Variants in ATP2C1 observed in about 807,000 individuals in gnomAD.
ATP2C1 encodes ATPase secretory pathway Ca2+ transporting 1.
A neutral mutation model predicts 120.5 loss-of-function variants in ATP2C1; 31 were observed. The observed-to-expected ratio is 0.26, with a 90% CI of 0.19 to 0.35. The LOEUF (loss-of-function observed/expected upper bound fraction) is 0.35. Ranked by LOEUF, ATP2C1 falls within the 10% of genes least tolerant of loss-of-function variation. The pLI is 1.00. For missense variants in ATP2C1, 731 were observed against 1,107.5 expected (o/e 0.66, Z 4.83); for synonymous variants, 351 against 358.7 (o/e 0.98, Z 0.24).
chr3:130,988,974 C>T (rs994402330), intron 20 of ATP2C1, among the ~76,000 whole-genome samples: 12 of 152,068 alleles, frequency 7.9e-5, no homozygotes, highest in Non-Finnish European at 1.6e-4. Flanking sequence ...AACCCTAGGC[C>T]GGGCACGGTG....
chr3:130,986,375 G>A (rs771046086), intron 20 of ATP2C1, among the ~76,000 whole-genome samples: 6 of 152,112 alleles, frequency 3.9e-5, no homozygotes, highest in Non-Finnish European at 7.4e-5. Flanking sequence ...TAAAGGTGGT[G>A]AAACTTTCAT....
At chr3:130,993,264 G>A (rs549459370) in intron 21 of ATP2C1, among the ~76,000 whole-genome samples, 1 of 152,264 alleles carries the variant, frequency 6.6e-6, no homozygotes, top group South Asian at 2.1e-4. Flanking sequence ...TGTTCTAACT[G>A]GGGTCCATAG....
rs1408282713 is a variant in ATP2C1, at chr3:130,918,235, A to G, written c.7-12181A>G. 12 of 1,482,716 alleles carry G rather than the reference A, an allele frequency of 8.1e-6. No homozygotes were observed. The East Asian group carries it at 2.7e-4, about 34-fold the overall frequency. The allele number at this position is 1,482,716 out of a possible 1,614,324, so 91.8% of individuals were successfully genotyped here. A position where few individuals can be genotyped will look rare whatever the true frequency, so the allele number is the denominator to read the frequency against. ...GTTTACACCTTACTGGGCATGAACA[A>G]GAGCCCTCTCCTTGGCCATAGCCAA... On this transcript the variant is annotated intron_variant, in intron 2 of 27. Coordinates refer to ENST00000510168, the MANE Select transcript of ATP2C1 (RefSeq NM_001378687.1).
chr3:130,934,923 T>C (rs2059601913), intron 5 of ATP2C1, among the ~76,000 whole-genome samples: 2 of 152,156 alleles, frequency 1.3e-5, no homozygotes, highest in South Asian at 4.1e-4. Flanking sequence ...AGCCCCGAAC[T>C]CCTGGGCTCA....
Position 130,902,284 on chromosome 3 carries a change from G to GTTTTTTT in ATP2C1, c.6+7515_6+7521dup, listed in dbSNP as rs1157956407. Among the ~76,000 whole-genome samples the GTTTTTTT allele has an allele frequency of 2.7e-4, 18 of 65,506 alleles. 4 individuals carry two copies. The highest frequency in any genetic ancestry group is 8.5e-4 in the African/African-American group (15 of 17,734). 43.0% of individuals were successfully genotyped at this position (65,506 alleles called of 152,430 possible). A position where few individuals can be genotyped will look rare whatever the true frequency, so the allele number is the denominator to read the frequency against. ...TTAACTGCTAATTTCAAGGCTTCAC[G>GTTTTTTT]TTTTTTTTTTTTGTTTTTTTTTTTT... is the stretch of plus-strand genomic sequence containing the variant. On this transcript the variant is annotated intron_variant, in intron 2 of 27. Coordinates refer to ENST00000510168, the MANE Select transcript of ATP2C1 (RefSeq NM_001378687.1).
intron 14 of ATP2C1, among the ~76,000 whole-genome samples, chr3:130,966,816 T>G (rs534933664): frequency 6.6e-6 from 1 of 152,334 alleles, no homozygotes; most frequent in African/African-American, 2.4e-5. Flanking sequence ...TTGAGTTCTT[T>G]GCAAACTGTA....
At chr3:131,016,590 A>G in exon 27 of ATP2C1, 1 of 507,394 alleles carries the variant, frequency 2.0e-6, no homozygotes, top group Admixed American at 3.3e-5. Flanking sequence ...GATCTTTTCC[A>G]CTGGTCTACT....
At position 131,016,102 on chromosome 3, in the gene ATP2C1, T is replaced by C. The variant is rs1294915592; in HGVS notation, c.2630-50T>C. On this transcript the variant is annotated intron_variant, in intron 26 of 26. Coordinates refer to the ATP2C1 transcript ENST00000328560. ...ATAAGTGAAAATACTGTATTTACTT[T>C]TGTGTGCTTCCATCTGAACTAAAGT... 7 of 1,605,388 alleles carry C rather than the reference T, an allele frequency of 4.4e-6. 1 individual carries two copies. The highest frequency in any genetic ancestry group is 3.3e-5 in the South Asian group (3 of 90,624).
chr3:130,943,837 A>G (rs1427692136), intron 8 of ATP2C1, among the ~76,000 whole-genome samples: 2 of 152,228 alleles, frequency 1.3e-5, no homozygotes, highest in Admixed American at 6.5e-5. Flanking sequence ...ATCTAAATTT[A>G]AATGTACTGA....
At chr3:130,883,527 C>T (rs2068855320) in intron 1 of ATP2C1, among the ~76,000 whole-genome samples, 1 of 151,640 alleles carries the variant, frequency 6.6e-6, no homozygotes, top group Non-Finnish European at 1.5e-5. Flanking sequence ...GCCTAGCTCA[C>T]TGCAACATCT....
At chr3:130,986,675 A>G (rs1258293280) in intron 20 of ATP2C1, among the ~76,000 whole-genome samples, 2 of 152,184 alleles carry the variant, frequency 1.3e-5, no homozygotes, top group African/African-American at 4.8e-5. Flanking sequence ...TATAAATACT[A>G]GCCCTGCCTC....
At chr3:130,880,416 T>A (rs559955424) in intron 1 of ATP2C1, among the ~76,000 whole-genome samples, 1 of 152,310 alleles carries the variant, frequency 6.6e-6, no homozygotes, top group South Asian at 2.1e-4. Flanking sequence ...CGCCTAAATA[T>A]TGGACATTTA....
intron 26 of ATP2C1, among the ~76,000 whole-genome samples, chr3:130,999,265 G>T (rs573657932): frequency 3.3e-5 from 5 of 152,020 alleles, no homozygotes; most frequent in Admixed American, 2.6e-4. Flanking sequence ...TTCTTTCTAT[G>T]GTCTAAATTA....
At chr3:130,993,311 G>A (rs567941987) in intron 21 of ATP2C1, among the ~76,000 whole-genome samples, 1 of 152,142 alleles carries the variant, frequency 6.6e-6, no homozygotes, top group African/African-American at 2.4e-5. Flanking sequence ...TAATTAGTTA[G>A]AAACTAAATA....
chr3:130,984,436 A>G lies in ATP2C1; in HGVS notation c.1839+3757A>G, dbSNP rs920877919. On this transcript the variant is annotated intron_variant, in intron 20 of 27. Transcript: ENST00000510168. ...TTGTCCTCTGAAAAAGTTTCTGTTT[A>G]TATTTCCATAAACTACACTTCATAC... Among the ~76,000 whole-genome samples the G allele has an allele frequency of 1.7e-4, 26 of 152,312 alleles. No homozygotes were observed. In the Middle Eastern group the frequency reaches 0.01, roughly 60 times the overall value.
intron 16 of ATP2C1, 67 bp downstream of exon 16, chr3:130,967,486 C>A: frequency 7.7e-7 from 1 of 1,298,640 alleles, no homozygotes; most frequent in Non-Finnish European, 1.1e-6. Context: ...GCAGTGTCAT[C>A]AATTTCAGTA....
Position 130,894,113 on chromosome 3 carries a change from G to C in ATP2C1, c.-405G>C. 1 of 972,732 alleles carries C rather than the reference G, an allele frequency of 1.0e-6. No homozygotes were observed. Among genetic ancestry groups the C allele is most frequent in the Non-Finnish European group, 1.2e-6 (1 of 818,442 alleles). 60.3% of individuals were successfully genotyped at this position (972,732 alleles called of 1,614,324 possible). A position where few individuals can be genotyped will look rare whatever the true frequency, so the allele number is the denominator to read the frequency against. On this transcript the variant is annotated 5_prime_UTR_variant, in exon 1 of 28. Transcript: ENST00000510168. This position sits in a 1 kb window ranked among gnomAD's most constrained non-coding sequence, Gnocchi z 4.5. ...CAGCACGGCCTCGCGGAGCCGGCCC[G>C]GCGGACCGTGACGGGTCCCCTCACC...
At chr3:130,877,352 A>G (rs1559877152) in intron 1 of ATP2C1, among the ~76,000 whole-genome samples, 1 of 152,304 alleles carries the variant, frequency 6.6e-6, no homozygotes, top group African/African-American at 2.4e-5. Context: ...TGAACAGGCA[A>G]CCTACAGAAT....
chr3:130,961,638 G>A (rs1468284452), intron 12 of ATP2C1, among the ~76,000 whole-genome samples: 1 of 152,016 alleles, frequency 6.6e-6, no homozygotes, highest in African/African-American at 2.4e-5. Flanking sequence ...TTCTTATTGT[G>A]TTGCCTAAAG....
Sources: gnomAD v4.1 joint callset for allele counts (sites outside exome capture counted in the v4.1 genomes callset) on GRCh38, gnomAD v4.1.1 for gene constraint, Gnocchi (gnomAD v3.1) non-coding constraint, MANE v1.5 for transcripts, NCBI Gene and HGNC (gene_info 2026-07-23, HGNC 2026-07-21) for gene names.